Variants in AGO2 observed in about 807,000 individuals in gnomAD.
AGO2 encodes the protein protein argonaute-2.
AGO2 carries 5 observed loss-of-function variants against 102.3 expected under a neutral mutation model. The ratio of observed to expected loss-of-function variants is 0.05; its 90% CI spans 0.03 to 0.10. The LOEUF (loss-of-function observed/expected upper bound fraction) is 0.10. AGO2 is among the 10% of genes least tolerant of loss of function. The probability of loss-of-function intolerance (pLI) is 1.00; values close to 1 mark genes in which losing one functional copy is unlikely to be tolerated. For synonymous variants in AGO2, 449 were observed against 473.1 expected (o/e 0.95, Z 0.66); for missense variants, 541 against 1,183.7 (o/e 0.46, Z 7.97).
At chr8:140,562,715 A>G (rs1763984634) in intron 3 of AGO2, 81 bp from the exon 4 acceptor site, 1 of 1,528,900 alleles carries the variant, frequency 6.5e-7, no homozygotes, top group African/African-American at 1.4e-5. Context: ...GTTGGCTTCC[A>G]GACACTCCTG....
At chr8:140,581,519 TA>T (rs1026243050) in intron 2 of AGO2, among the ~76,000 whole-genome samples, 96 of 143,864 alleles carry the variant, frequency 6.7e-4, no homozygotes, top group Admixed American at 6.9e-4. Context: ...ATCCTGTCTC[TA>T]AAAAAAAAAA....
chr8:140,634,885 G>A lies in AGO2; in HGVS notation c.22+600C>T, dbSNP rs773750210. 1.8e-4 allele frequency among the ~76,000 whole-genome samples: 28 copies of A among 152,248 alleles called. No individual in the cohort carries two copies. The South Asian group carries it at 2.3e-3, about 12-fold the overall frequency. On this transcript the variant is annotated intron_variant, in intron 1 of 18. Coordinates refer to ENST00000220592, the MANE Select transcript of AGO2 (RefSeq NM_012154.5). ...CAGACTTTCCTTGGGAAAAGGGGCC[G>A]AAGAAGTGCCGGCAACAAGAAGGGC...
At position 140,539,227 on chromosome 8, in the gene AGO2, C is replaced by T. The variant is rs115826075; in HGVS notation, c.2169+93G>A. The T allele has an allele frequency of 0.033, 48,888 of 1,489,214 alleles. 1,030 individuals carry two copies. Among genetic ancestry groups the T allele is most frequent in the African/African-American group, 0.087 (5,890 of 67,906 alleles). 92.3% of individuals were successfully genotyped at this position (1,489,214 alleles called of 1,614,324 possible). On this transcript the variant is annotated intron_variant, in intron 16 of 18. Coordinates refer to ENST00000220592, the MANE Select transcript of AGO2 (RefSeq NM_012154.5). This position sits in a 1 kb window ranked among gnomAD's most constrained non-coding sequence, Gnocchi z 4.7. ...GTCACCCTAGAGCCTGGGACAGCGG[C>T]ACTGTGGCCAGCAGGTTCTCTTGTG... is the stretch of plus-strand genomic sequence containing the variant.
rs949656638 is a variant in AGO2 at position 140,611,300 on chromosome 8, A to G, written c.22+24185T>C. 5.9e-5 allele frequency among the ~76,000 whole-genome samples: 9 copies of G among 151,482 alleles called. No individual in the cohort carries two copies. The East Asian group carries it at 1.4e-3, about 23-fold the overall frequency. On this transcript the variant is annotated intron_variant, in intron 1 of 18. Coordinates refer to ENST00000220592, the MANE Select transcript of AGO2 (RefSeq NM_012154.5). ...CTGCAGAAAGCAGCAAAAAGCATCA[A>G]GTTTATTCCACATTGACTCTTAAGC...
In AGO2 at chr8:140,547,545, T is replaced by A; in HGVS notation, c.1671A>T (p.Pro557=). 1 of 1,614,206 alleles carries A rather than the reference T, an allele frequency of 6.2e-7. No individual in the cohort carries two copies. The highest frequency in any genetic ancestry group is 8.5e-7 in the Non-Finnish European group (1 of 1,180,014). Reference sequence around the variant, plus strand: ...TCAGGCAGAGGTTGGACAGGGTCTGTGGCGTGGTCCTCTGCACGTTCTTCA... The same window carrying A: ...TCAGGCAGAGGTTGGACAGGGTCTGAGGCGTGGTCCTCTGCACGTTCTTCA... ...VQMKNVQRTT[P]QTLSNLCLKI... The change falls in exon 13 of 19, where the codon CCA becomes CCT. Residue 557 remains proline, a synonymous_variant. Transcript: ENST00000220592.
At chr8:140,597,467 C>CA (rs1467052516) in intron 1 of AGO2, among the ~76,000 whole-genome samples, 1 of 14,908 alleles carries the variant, frequency 6.7e-5, no homozygotes, top group African/African-American at 1.9e-4. Flanking sequence ...GGCTGGGTGG[C>CA]CCCCCCACCC....
At position 140,567,279 on chromosome 8, in the gene AGO2, G is replaced by A. The variant is rs548253459; in HGVS notation, c.337-4645C>T. Among the ~76,000 whole-genome samples the A allele has an allele frequency of 6.6e-6, 1 of 152,370 alleles. No homozygotes were observed. The highest frequency in any genetic ancestry group is 2.1e-4 in the South Asian group (1 of 4,830). On this transcript the variant is annotated intron_variant, in intron 3 of 18. Transcript: ENST00000220592. The surrounding 1 kb of genome is among the most constrained non-coding windows in gnomAD (Gnocchi z 5.0). Reference sequence around the variant, plus strand: ...CTGGTGCTCGTGTGTGGCAGCTTAGGGCTGCATGGAGATTTTACGACGGCC... The same window carrying A: ...CTGGTGCTCGTGTGTGGCAGCTTAGAGCTGCATGGAGATTTTACGACGGCC...
rs753847268 is a variant in AGO2, at chr8:140,557,967, C to T, written c.878+518G>A. Among the ~76,000 whole-genome samples the T allele has an allele frequency of 1.3e-5, 2 of 152,224 alleles. No individual in the cohort carries two copies. Among genetic ancestry groups the T allele is most frequent in the Non-Finnish European group, 2.9e-5 (2 of 68,024 alleles). On this transcript the variant is annotated intron_variant, in intron 7 of 18. Transcript: ENST00000220592. This position sits in a 1 kb window ranked among gnomAD's most constrained non-coding sequence, Gnocchi z 5.9. ...TCCATGGAATGATCCATGAAATAAACGAACCCTACCGGCCTGGGAGACATT... is the reference window on the plus strand; with the variant it reads ...TCCATGGAATGATCCATGAAATAAATGAACCCTACCGGCCTGGGAGACATT...
intron 3 of AGO2, among the ~76,000 whole-genome samples, chr8:140,565,955 T>C (rs1451434396): frequency 6.6e-6 from 1 of 151,822 alleles, no homozygotes; most frequent in Non-Finnish European, 1.5e-5. Context: ...GAGGATCGCT[T>C]GAGCCCAGGG....
chr8:140,539,917 T>A lies in AGO2; in HGVS notation c.2035-463A>T, dbSNP rs2072764657. On this transcript the variant is annotated intron_variant, in intron 15 of 18. Coordinates refer to ENST00000220592, the MANE Select transcript of AGO2 (RefSeq NM_012154.5). The surrounding 1 kb of genome is among the most constrained non-coding windows in gnomAD (Gnocchi z 4.7). ...TCCTGGCCAACATGGTGAAACCCCA[T>A]TTCTACTAAAAATACAAAAATTAAC... Among the ~76,000 whole-genome samples, 1 of 152,086 alleles carries A rather than the reference T, an allele frequency of 6.6e-6. No homozygotes were observed. Among genetic ancestry groups the A allele is most frequent in the Non-Finnish European group, 1.5e-5 (1 of 68,012 alleles).
chr8:140,610,187 G>C (rs2074057845), intron 1 of AGO2, among the ~76,000 whole-genome samples: 1 of 152,018 alleles, frequency 6.6e-6, no homozygotes, highest in African/African-American at 2.4e-5. Context: ...CTGGGTGACA[G>C]AGCGAGATCC....
Position 140,635,096 on chromosome 8 carries a change from G to A in AGO2, c.22+389C>T, listed in dbSNP as rs1456362904. On this transcript the variant is annotated intron_variant, in intron 1 of 18. Coordinates refer to ENST00000220592, the MANE Select transcript of AGO2 (RefSeq NM_012154.5). The stretch of plus-strand genomic sequence containing the variant: ...CGCCCGGGCAGCGAGGCCGGGCCAA[G>A]CGGGGCGCTCCGGGCCTCGGGCCTA... Among the ~76,000 whole-genome samples, 11 of 147,608 alleles carry A rather than the reference G, an allele frequency of 7.5e-5. No homozygotes were observed. The South Asian group carries it at 2.1e-3, about 28-fold the overall frequency.
intron 1 of AGO2, among the ~76,000 whole-genome samples, chr8:140,596,747 T>C (rs2073849429): frequency 6.6e-6 from 1 of 151,982 alleles, no homozygotes; most frequent in Non-Finnish European, 1.5e-5. Context: ...CATCTACAGG[T>C]GAGGCAGCAC....
At position 140,524,055 on chromosome 8, in the gene AGO2, T is replaced by C. The variant is rs1399356412; in HGVS notation, c.*7989A>G. 6.6e-6 allele frequency: 1 copy of C among 152,224 alleles called. No individual in the cohort carries two copies. Among genetic ancestry groups the C allele is most frequent in the Admixed American group, 6.5e-5 (1 of 15,284 alleles). The allele number at this position is 152,224 out of a possible 1,614,324, so 9.4% of individuals were successfully genotyped here. A position where few individuals can be genotyped will look rare whatever the true frequency, so the allele number is the denominator to read the frequency against. Reference sequence around the variant, plus strand: ...ACTGCCTGTTAGGTTAAGTCAAAACTGGTGTCCTATGTGCACAGCTCAAGG... The same window carrying C: ...ACTGCCTGTTAGGTTAAGTCAAAACCGGTGTCCTATGTGCACAGCTCAAGG... On this transcript the variant is annotated 3_prime_UTR_variant, in exon 19 of 19. Transcript: ENST00000220592.
intron 3 of AGO2, among the ~76,000 whole-genome samples, chr8:140,570,867 T>C (rs117343368): frequency 0.016 from 2,445 of 152,266 alleles, 21 homozygotes; most frequent in Non-Finnish European, 0.025. Flanking sequence ...AATTTAAATA[T>C]CAAATACCAT....
rs367789745 is a variant in AGO2 at position 140,532,652 on chromosome 8, A to G, written c.2272-37T>C. On this transcript the variant is annotated intron_variant, in intron 17 of 18. Coordinates refer to ENST00000220592, the MANE Select transcript of AGO2 (RefSeq NM_012154.5). ...CAGAAGATTAGACAGTTGGACTCGC[A>G]TAAAATCTTTAAAAGGATACTGTGG... The G allele has an allele frequency of 2.5e-5, 40 of 1,593,834 alleles. No homozygotes were observed. The East Asian group carries it at 7.2e-4, about 29-fold the overall frequency.
At chr8:140,556,997 T>G in intron 8 of AGO2, 92 bp downstream of exon 8, 2 of 1,498,708 alleles carry the variant, frequency 1.3e-6, no homozygotes, top group Non-Finnish European at 1.8e-6. Context: ...TGTATCTGAC[T>G]GGGGCCTCGG....
In AGO2 at chr8:140,535,389, A is replaced by G. The variant is rs1588434662; in HGVS notation, c.2271+79T>C. 5.7e-6 allele frequency: 8 copies of G among 1,403,094 alleles called. No homozygotes were observed. In the East Asian group the frequency reaches 2.0e-4, roughly 35 times the overall value. 86.9% of individuals were successfully genotyped at this position (1,403,094 alleles called of 1,614,324 possible). A position where few individuals can be genotyped will look rare whatever the true frequency, so the allele number is the denominator to read the frequency against. ...TCACACCACATCCCACGTGCCAGCC[A>G]GAGTGCAAGTGTTTGCTGAATGTGG... On this transcript the variant is annotated intron_variant, in intron 17 of 18. Transcript: ENST00000220592.
chr8:140,541,722 G>A (rs547583001), intron 14 of AGO2, among the ~76,000 whole-genome samples: 3 of 152,250 alleles, frequency 2.0e-5, no homozygotes, highest in African/African-American at 7.2e-5. Context: ...GGCCAACATG[G>A]TAAAACCCTG....
Sources: allele counts gnomAD v4.1 joint callset (sites outside exome capture counted in the v4.1 genomes callset), GRCh38; gene constraint gnomAD v4.1.1; non-coding constraint Gnocchi (gnomAD v3.1); transcripts MANE v1.5; gene names NCBI Gene and HGNC (gene_info 2026-07-23, HGNC 2026-07-21).